CDKL5: variants seen among roughly 807,000 people sequenced by gnomAD.
CDKL5 encodes the protein cyclin dependent kinase like 5, also known as cyclin-dependent kinase-like 5.
A neutral mutation model predicts 61.7 loss-of-function variants in CDKL5; 8 were observed. That is an observed-to-expected ratio of 0.13 (90% CI 0.08 to 0.23). CDKL5 has a LOEUF of 0.23. Among genes scored for constraint, CDKL5 ranks in the 10% least tolerant of loss-of-function variants. The pLI is 1.00. For missense variants in CDKL5, 440 were observed against 734.5 expected (o/e 0.60, Z 4.63); for synonymous variants, 275 against 272.3 (o/e 1.01, Z -0.10).
intron 1 of CDKL5, among the ~76,000 whole-genome samples, chrX:18,482,437 T>G (rs1251556314): frequency 8.9e-6 from 1 of 112,107 alleles, no homozygotes; most frequent in Non-Finnish European, 1.9e-5. Flanking sequence ...CTTTGTATTT[T>G]ATCTTTTGAG....
chrX:18,513,774 A>G (rs1216490252), intron 3 of CDKL5, among the ~76,000 whole-genome samples: 2 of 111,851 alleles, frequency 1.8e-5, no homozygotes, highest in Non-Finnish European at 3.8e-5. Context: ...CTTCAAATCT[A>G]TACCCCATTA....
chrX:18,517,560 A>G (rs1241177127), intron 3 of CDKL5, among the ~76,000 whole-genome samples: 1 of 111,867 alleles, frequency 8.9e-6, no homozygotes, highest in Non-Finnish European at 1.9e-5. Flanking sequence ...TGCTTAAGTG[A>G]TTTATACTAG....
chrX:18,437,166 T>C (rs1309294634), intron 1 of CDKL5, among the ~76,000 whole-genome samples: 1 of 111,473 alleles, frequency 9.0e-6, no homozygotes, highest in Non-Finnish European at 1.9e-5. Context: ...GGTCATAATC[T>C]CTGCAAAGTA....
intron 14 of CDKL5, among the ~76,000 whole-genome samples, chrX:18,610,492 G>T (rs983649680): frequency 1.8e-5 from 2 of 112,775 alleles, no homozygotes; most frequent in Non-Finnish European, 3.7e-5. Flanking sequence ...CTCTCACAAG[G>T]TTGTGAGACA....
chrX:18,508,558 C>T (rs946449779), intron 2 of CDKL5, among the ~76,000 whole-genome samples: 1 of 111,023 alleles, frequency 9.0e-6, no homozygotes, highest in Non-Finnish European at 1.9e-5. Flanking sequence ...CTAGCACATA[C>T]GGTGTAACAA....
Position 18,598,480 on chromosome X carries a change from C to G in CDKL5, c.844C>G (p.Pro282Ala), listed in dbSNP as rs1926077779. ...DLMKNLLKLD[P>A]ADRYLTEQCL... ...TCCTAAGAATTTACTGAAGTTGGAC[C>G]CAGCTGACAGATACTTGACAGAACA... The change falls in exon 11 of 18, where the codon CCA becomes GCA. Residue 282 changes from proline to alanine, a missense_variant. This residue lies in a region of CDKL5 where 77 missense variants were observed against 218.2 expected (regional missense o/e 0.35). Transcript: ENST00000623535. The G allele has an allele frequency of 2.5e-6, 3 of 1,205,500 alleles. No individual in the cohort carries two copies. The African/African-American group carries it at 5.3e-5, about 21-fold the overall frequency.
chrX:18,627,857 A>G (rs1927114399), intron 17 of CDKL5: 1 of 111,435 alleles, frequency 9.0e-6, no homozygotes, highest in African/African-American at 3.3e-5. Flanking sequence ...GAGAGAGGGA[A>G]ATTGGGGAGA....
intron 1 of CDKL5, among the ~76,000 whole-genome samples, chrX:18,497,037 G>A (rs997055025): frequency 1.3e-4 from 14 of 108,018 alleles, no homozygotes; most frequent in African/African-American, 4.7e-4. Context: ...CTGTTTTCCA[G>A]GCTGGAGTGC....
At chrX:18,557,571 G>A (rs775478982) in intron 3 of CDKL5, among the ~76,000 whole-genome samples, 66 of 112,045 alleles carry the variant, frequency 5.9e-4, no homozygotes, top group Non-Finnish European at 1.1e-3. Flanking sequence ...CATGATACCT[G>A]TTGGATATTT....
chrX:18,518,605 C>A (rs1923134672), intron 3 of CDKL5, among the ~76,000 whole-genome samples: 1 of 107,032 alleles, frequency 9.3e-6, no homozygotes, highest in Admixed American at 1.0e-4. Context: ...GGCGTTTTAC[C>A]ATGTTGGCCA....
rs149852919 is a variant in CDKL5, at chrX:18,583,965, A to T, written c.464-298A>T. Among the ~76,000 whole-genome samples the T allele has an allele frequency of 0.015, 1,700 of 111,727 alleles. 31 individuals are homozygous for T. Among genetic ancestry groups the T allele is most frequent in the African/African-American group, 0.052 (1,586 of 30,773 alleles). ...AGGTTTGCATTTATTGGGAGAGCTG[A>T]TTTAAAAGTATGCTCTGAATAATTA... On this transcript the variant is annotated intron_variant, in intron 7 of 17. Coordinates refer to ENST00000623535, the MANE Select transcript of CDKL5 (RefSeq NM_001323289.2).
At chrX:18,436,986 G>A (rs1354587881) in intron 1 of CDKL5, among the ~76,000 whole-genome samples, 1 of 108,620 alleles carries the variant, frequency 9.2e-6, no homozygotes, top group African/African-American at 3.4e-5. Flanking sequence ...CAAGTTGGCA[G>A]CAGGGGCCAG....
At chrX:18,451,909 C>A (rs1240927267) in intron 1 of CDKL5, among the ~76,000 whole-genome samples, 1 of 111,876 alleles carries the variant, frequency 8.9e-6, no homozygotes, top group African/African-American at 3.2e-5. Flanking sequence ...CATTGGAAGT[C>A]GGAAGAGAGA....
chrX:18,634,230 C>G lies in CDKL5; in HGVS notation c.*5473C>G, dbSNP rs972938668. On this transcript the variant is annotated 3_prime_UTR_variant, in exon 18 of 18. Transcript: ENST00000623535. ...AGGCCTTATCTGTTCCTCCATCCCC[C>G]CTGTTTTGACAGACTGCTAAGAATT... 2.7e-6 allele frequency: 2 copies of G among 751,281 alleles called. No individual in the cohort carries two copies. Among genetic ancestry groups the G allele is most frequent in the Non-Finnish European group, 3.1e-6 (2 of 638,164 alleles). 61.9% of individuals were successfully genotyped at this position (751,281 alleles called of 1,213,427 possible). A position where few individuals can be genotyped will look rare whatever the true frequency, so the allele number is the denominator to read the frequency against.
chrX:18,572,653 G>T (rs1473547508), intron 4 of CDKL5, among the ~76,000 whole-genome samples: 2 of 111,988 alleles, frequency 1.8e-5, no homozygotes, highest in Non-Finnish European at 3.8e-5. Flanking sequence ...AAACTGAGAG[G>T]CAAAGTGCCT....
intron 1 of CDKL5, among the ~76,000 whole-genome samples, chrX:18,451,240 A>G (rs1258938765): frequency 9.0e-6 from 1 of 110,906 alleles, no homozygotes; most frequent in Non-Finnish European, 1.9e-5. Flanking sequence ...TGCCCAGGCT[A>G]GAGTGCAATG....
At chrX:18,433,511 T>C (rs1279801977) in intron 1 of CDKL5, among the ~76,000 whole-genome samples, 2 of 111,857 alleles carry the variant, frequency 1.8e-5, no homozygotes, top group Non-Finnish European at 3.8e-5. Flanking sequence ...GATTGCATCA[T>C]TGGACTCCAG....
intron 4 of CDKL5, among the ~76,000 whole-genome samples, chrX:18,574,078 T>G (rs1389403261): frequency 9.0e-6 from 1 of 111,471 alleles, no homozygotes; most frequent in East Asian, 2.8e-4. Context: ...ATCTCCACAC[T>G]CCATTTTCCT....
chrX:18,619,745 T>C, intron 15 of CDKL5, 122 bp from the exon 16 acceptor site: 1 of 492,879 alleles, frequency 2.0e-6, no homozygotes, highest in East Asian at 3.8e-5. Flanking sequence ...TTTACCCAAG[T>C]GTTTGATTCT....
Sources: allele counts gnomAD v4.1 joint callset (sites outside exome capture counted in the v4.1 genomes callset), GRCh38; gene constraint gnomAD v4.1.1; regional missense constraint gnomAD v4.1.1; transcripts MANE v1.5; gene names NCBI Gene and HGNC (gene_info 2026-07-23, HGNC 2026-07-21).